PPP2R3B: variants seen among roughly 807,000 people sequenced by gnomAD.
PPP2R3B encodes serine/threonine-protein phosphatase 2A regulatory subunit B'' subunit beta.
A neutral mutation model predicts 72.9 loss-of-function variants in PPP2R3B; 68 were observed. That is an observed-to-expected ratio of 0.93 (90% CI 0.77 to 1.14). The LOEUF is 1.14. Among genes scored for constraint, PPP2R3B ranks in the 50% most tolerant of loss-of-function variants. The pLI, the probability that PPP2R3B is intolerant of heterozygous loss-of-function variation, is 0.00. For missense variants in PPP2R3B, 1,018 were observed against 842.0 expected (o/e 1.21, Z -2.59); for synonymous variants, 466 against 375.8 (o/e 1.24, Z -2.78).
At chrX:362,966 A>C (rs1023002023) in intron 1 of PPP2R3B, among the ~76,000 whole-genome samples, 2 of 151,824 alleles carry the variant, frequency 1.3e-5, no homozygotes, top group Admixed American at 1.3e-4. Context: ...CAAGGGTCCC[A>C]CTGACAGCGC....
intron 1 of PPP2R3B, among the ~76,000 whole-genome samples, chrX:363,371 A>T (rs1359044766): frequency 7.4e-6 from 1 of 135,252 alleles, no homozygotes; most frequent in Non-Finnish European, 1.5e-5. Context: ...CTCCGAGCCC[A>T]CCATCCCACA....
At chrX:361,346 C>T in intron 2 of PPP2R3B, 59 bp downstream of exon 2, 2 of 1,594,844 alleles carry the variant, frequency 1.3e-6, no homozygotes, top group Non-Finnish European at 1.7e-6. Context: ...CGCTCCGCCT[C>T]ACCCTCACAT....
intron 7 of PPP2R3B, chrX:342,300 T>G (rs1192134732): frequency 8.1e-4 from 248 of 304,678 alleles, no homozygotes; most frequent in East Asian, 1.2e-3. Context: ...GAGACGGGAG[T>G]GAGACCTCAG....
intron 10 of PPP2R3B, among the ~76,000 whole-genome samples, chrX:340,411 G>C (rs939431319): frequency 6.6e-6 from 1 of 151,518 alleles, no homozygotes; most frequent in Non-Finnish European, 1.5e-5. Flanking sequence ...AACTCAGTAG[G>C]ACAGCGCCTC....
intron 1 of PPP2R3B, among the ~76,000 whole-genome samples, chrX:362,971 C>T (rs1170419167): frequency 6.6e-6 from 1 of 152,102 alleles, no homozygotes; most frequent in Non-Finnish European, 1.5e-5. Flanking sequence ...GTCCCACTGA[C>T]AGCGCCTCAA....
chrX:369,223 T>C (rs972734689), intron 1 of PPP2R3B, among the ~76,000 whole-genome samples: 1 of 152,158 alleles, frequency 6.6e-6, no homozygotes, highest in African/African-American at 2.4e-5. Flanking sequence ...GGAAGAAGAA[T>C]TCTAAAGCCA....
chrX:346,081 G>C, intron 6 of PPP2R3B, 93 bp downstream of exon 6: 1 of 585,558 alleles, frequency 1.7e-6, no homozygotes, highest in Non-Finnish European at 2.8e-6. Context: ...GGGTGGGAGG[G>C]GAGGAGGGAG....
chrX:354,398 G>C (rs193172236), intron 2 of PPP2R3B, among the ~76,000 whole-genome samples: 174 of 152,382 alleles, frequency 1.1e-3, no homozygotes, highest in African/African-American at 4.0e-3. Flanking sequence ...GGGACCGGGG[G>C]CTCACCCAAG....
rs760029060 is a variant in PPP2R3B at position 346,238 on chromosome X, G to A, written c.815C>T (p.Ala272Val). 5.0e-5 allele frequency: 78 copies of A among 1,571,856 alleles called. No homozygotes were observed. In the East Asian group the frequency reaches 8.5e-4, roughly 17 times the overall value. The stretch of plus-strand genomic sequence containing the variant: ...CCTGCCGGACCAGGACCGGTTCACG[G>A]CGTAGAAGATCCGCTGGATGACCTG... ...ITTVIQRIFY[A>V]VNRSWSGRIT... The change falls in exon 6 of 13, where the codon GCC becomes GTC. Residue 272 changes from alanine to valine, a missense_variant. Transcript: ENST00000390665.
At chrX:348,028 C>A (rs1303770153) in intron 2 of PPP2R3B, among the ~76,000 whole-genome samples, 1 of 152,148 alleles carries the variant, frequency 6.6e-6, no homozygotes, top group African/African-American at 2.4e-5. Context: ...TAAATGGCCC[C>A]GTCAGCCAGG....
At chrX:348,511 G>T (rs993329384) in intron 2 of PPP2R3B, among the ~76,000 whole-genome samples, 3 of 150,542 alleles carry the variant, frequency 2.0e-5, no homozygotes, top group African/African-American at 7.4e-5. Flanking sequence ...GGGAGGTGGA[G>T]GTTGCAGTAA....
Position 348,565 on chromosome X carries a change from G to A in PPP2R3B, c.511-872C>T, listed in dbSNP as rs1231807752. ...CACTCCAGCCTGGGTGACAGAGAGAGACTCTGTCTCAAAAAAAGAGCAAAT... is the reference window on the plus strand; with the variant it reads ...CACTCCAGCCTGGGTGACAGAGAGAAACTCTGTCTCAAAAAAAGAGCAAAT... On this transcript the variant is annotated intron_variant, in intron 2 of 12. Transcript: ENST00000390665. Among the ~76,000 whole-genome samples, 6 of 87,208 alleles carry A rather than the reference G, an allele frequency of 6.9e-5. No homozygotes were observed. The South Asian group carries it at 2.2e-3, about 32-fold the overall frequency. The allele number at this position is 87,208 out of a possible 152,430, so 57.2% of individuals were successfully genotyped here.
At chrX:337,163 C>G (rs2070912187) in intron 12 of PPP2R3B, 2 of 152,100 alleles carry the variant, frequency 1.3e-5, no homozygotes, top group African/African-American at 4.8e-5. Flanking sequence ...TCACTGCAAG[C>G]TCCGCCTCCC....
At position 334,667 on chromosome X, in the gene PPP2R3B, C is replaced by T. The variant is rs996828364; in HGVS notation, c.1578-150G>A. The T allele has an allele frequency of 4.2e-5, 40 of 945,862 alleles. 1 individual carries two copies. Among genetic ancestry groups the T allele is most frequent in the African/African-American group, 3.3e-4 (19 of 56,926 alleles). 58.6% of individuals were successfully genotyped at this position (945,862 alleles called of 1,614,324 possible). ...AGCTCCAGCCGCTGAGCCAGCAACGCGCTCCTGGCTGAGGACGCCGGCTCC... is the reference window on the plus strand; with the variant it reads ...AGCTCCAGCCGCTGAGCCAGCAACGTGCTCCTGGCTGAGGACGCCGGCTCC... On this transcript the variant is annotated intron_variant, in intron 12 of 12. Coordinates refer to ENST00000390665, the MANE Select transcript of PPP2R3B (RefSeq NM_013239.5).
At chrX:345,345 G>T in intron 7 of PPP2R3B, 171 bp downstream of exon 7, 1 of 955,028 alleles carries the variant, frequency 1.0e-6, no homozygotes, top group Non-Finnish European at 1.6e-6. Flanking sequence ...ACGGGGCAGC[G>T]ACTGGGGAAG....
chrX:360,941 C>G (rs1415115650), intron 2 of PPP2R3B, among the ~76,000 whole-genome samples: 1 of 151,990 alleles, frequency 6.6e-6, no homozygotes, highest in Non-Finnish European at 1.5e-5. Flanking sequence ...CAGGGTGAGT[C>G]TAGAAATGGG....
chrX:361,199 G>A (rs2071531138), intron 2 of PPP2R3B, among the ~76,000 whole-genome samples: 1 of 152,250 alleles, frequency 6.6e-6, no homozygotes, highest in Non-Finnish European at 1.5e-5. Context: ...AATTCACACA[G>A]CAGCAACCAG....
chrX:369,384 T>TCCCA (rs2071805647), intron 1 of PPP2R3B, among the ~76,000 whole-genome samples: 1 of 152,148 alleles, frequency 6.6e-6, no homozygotes, highest in African/African-American at 2.4e-5. Flanking sequence ...ACACCCTGAC[T>TCCCA]CCCAACAAGC....
chrX:372,605 A>G (rs1412739739), intron 1 of PPP2R3B, among the ~76,000 whole-genome samples: 7 of 152,198 alleles, frequency 4.6e-5, no homozygotes, highest in Admixed American at 2.6e-4. Flanking sequence ...TAACTCATAC[A>G]ATATACACGG....
Sources: gnomAD v4.1 joint callset for allele counts (sites outside exome capture counted in the v4.1 genomes callset) on GRCh38, gnomAD v4.1.1 for gene constraint, MANE v1.5 for transcripts, NCBI Gene and HGNC (gene_info 2026-07-23, HGNC 2026-07-21) for gene names.